SLC35E3: variants seen among roughly 807,000 people sequenced by gnomAD.
SLC35E3 encodes bladder cancer-overexpressed gene 1 protein.
Under a neutral mutation model 30.8 loss-of-function variants are expected in SLC35E3, and 28 were observed. That is an observed-to-expected ratio of 0.91 (90% confidence interval 0.67 to 1.25). The LOEUF (loss-of-function observed/expected upper bound fraction) is 1.25. Ranked by LOEUF, SLC35E3 falls within the 50% of genes most tolerant of loss-of-function variation. The probability of loss-of-function intolerance (pLI) is 0.00; values close to 1 mark genes in which losing one functional copy is unlikely to be tolerated. For synonymous variants in SLC35E3, 146 were observed against 149.2 expected (o/e 0.98, Z 0.16); for missense variants, 365 against 375.4 (o/e 0.97, Z 0.23).
intron 4 of SLC35E3, among the ~76,000 whole-genome samples, chr12:68,761,779 T>C (rs1292860764): frequency 6.6e-6 from 1 of 152,118 alleles, no homozygotes; most frequent in African/African-American, 2.4e-5. Flanking sequence ...CTGGAAATAT[T>C]TCTAAGAAGA....
intron 2 of SLC35E3, among the ~76,000 whole-genome samples, chr12:68,750,954 C>G (rs182266703): frequency 1.1e-4 from 17 of 152,278 alleles, no homozygotes; most frequent in Admixed American, 8.5e-4. Flanking sequence ...CTTGCCAGAT[C>G]TGATCCAAAC....
chr12:68,757,319 G>A (rs968006410), intron 3 of SLC35E3, among the ~76,000 whole-genome samples: 6 of 152,180 alleles, frequency 3.9e-5, no homozygotes, highest in African/African-American at 1.4e-4. Context: ...ACAAAGTAGA[G>A]TAATTGTGTT....
At position 68,768,653 on chromosome 12, in the gene SLC35E3, T is replaced by C. The variant is rs1301538367; in HGVS notation, c.*3763T>C. 6.6e-6 allele frequency: 1 copy of C among 152,208 alleles called. No individual in the cohort carries two copies. Among genetic ancestry groups the C allele is most frequent in the Non-Finnish European group, 1.5e-5 (1 of 68,028 alleles). 9.4% of individuals were successfully genotyped at this position (152,208 alleles called of 1,614,324 possible). On this transcript the variant is annotated 3_prime_UTR_variant, in exon 5 of 5. Transcript: ENST00000398004. ...TGACTGAATTTCAATTTTTACCTTT[T>C]AAAAATAAAGAGAACCTCTTTTTAC...
chr12:68,777,397 A>G lies in SLC35E3; in HGVS notation c.*12507A>G. The G allele has an allele frequency of 6.6e-6, 1 of 152,100 alleles. No homozygotes were observed. The highest frequency in any genetic ancestry group is 1.5e-5 in the Non-Finnish European group (1 of 67,998). 9.4% of individuals were successfully genotyped at this position (152,100 alleles called of 1,614,324 possible). ...TCCTCACAGGAATGTCACACCTGTG[A>G]CTCTCTCATACCTCCAAAATCTCAC... On this transcript the variant is annotated 3_prime_UTR_variant, in exon 5 of 5. Coordinates refer to ENST00000398004, the MANE Select transcript of SLC35E3 (RefSeq NM_018656.5).
intron 2 of SLC35E3, among the ~76,000 whole-genome samples, chr12:68,750,482 G>A (rs1878748284): frequency 6.6e-6 from 1 of 152,168 alleles, no homozygotes; most frequent in South Asian, 2.1e-4. Context: ...AAACTTGCAG[G>A]TTCTGCAAAG....
At position 68,768,878 on chromosome 12, in the gene SLC35E3, A is replaced by C. The variant is rs1377671867; in HGVS notation, c.*3988A>C. On this transcript the variant is annotated 3_prime_UTR_variant, in exon 5 of 5. Transcript: ENST00000398004. ...AATGAAGTAAGCATTCTTCTGTTTCACTTTTTAAAATACTTTTAAAATCTT... is the reference window on the plus strand; with the variant it reads ...AATGAAGTAAGCATTCTTCTGTTTCCCTTTTTAAAATACTTTTAAAATCTT... 6.6e-6 allele frequency: 1 copy of C among 152,250 alleles called. No individual in the cohort carries two copies. Among genetic ancestry groups the C allele is most frequent in the African/African-American group, 2.4e-5 (1 of 41,470 alleles). 9.4% of individuals were successfully genotyped at this position (152,250 alleles called of 1,614,324 possible). A position where few individuals can be genotyped will look rare whatever the true frequency, so the allele number is the denominator to read the frequency against.
At chr12:68,747,572 AT>A (rs1348620328) in intron 1 of SLC35E3, among the ~76,000 whole-genome samples, 1 of 152,104 alleles carries the variant, frequency 6.6e-6, no homozygotes, top group African/African-American at 2.4e-5. Flanking sequence ...CTGGCCTTAT[AT>A]TTAAGGTCTT....
rs1879339745 is a variant in SLC35E3, at chr12:68,764,938, AT to A, written c.*50del. 1 of 1,568,256 alleles carries A rather than the reference AT, an allele frequency of 6.4e-7. No individual in the cohort carries two copies. Among genetic ancestry groups the A allele is most frequent in the Non-Finnish European group, 8.7e-7 (1 of 1,150,566 alleles). On this transcript the variant is annotated 3_prime_UTR_variant, in exon 5 of 5. Transcript: ENST00000398004. Reference sequence around the variant, plus strand: ...ATGTTGTCCCAAGAAGATAAAAAATATTGTTAAGTGTGCAAGTTATTAAAAA... The same window carrying A: ...ATGTTGTCCCAAGAAGATAAAAAATATGTTAAGTGTGCAAGTTATTAAAAA...
At chr12:68,751,066 T>C (rs1878772483) in intron 2 of SLC35E3, among the ~76,000 whole-genome samples, 1 of 152,172 alleles carries the variant, frequency 6.6e-6, no homozygotes, top group African/African-American at 2.4e-5. Context: ...TTCTACTGAA[T>C]GGTATGGTAT....
In SLC35E3 at chr12:68,746,338, G is replaced by C. The variant is rs771532243; in HGVS notation, c.-40G>C. On this transcript the variant is annotated 5_prime_UTR_variant, in exon 1 of 5. Transcript: ENST00000398004. ...AAGGGCAGCCGGAGACAGGCCCGGC[G>C]CCCCTTCCGAGGCTAGACGGCCCCA... 3 of 1,527,502 alleles carry C rather than the reference G, an allele frequency of 2.0e-6. No homozygotes were observed. The East Asian group carries it at 6.8e-5, about 34-fold the overall frequency. 94.6% of individuals were successfully genotyped at this position (1,527,502 alleles called of 1,614,324 possible).
chr12:68,755,933 CTGAT>C (rs2136072219), intron 3 of SLC35E3, among the ~76,000 whole-genome samples: 1 of 152,200 alleles, frequency 6.6e-6, no homozygotes, highest in Non-Finnish European at 1.5e-5. Flanking sequence ...ATTATTTTTA[CTGAT>C]GAGGAAACCG....
In SLC35E3 at chr12:68,779,226, C is replaced by T. The variant is rs914096112; in HGVS notation, c.*14336C>T. Reference sequence around the variant, plus strand: ...CCTGAACTCCTTGGCTCAAGTAATCCTCCTGCCTCAGCCTCCTGAGTAACT... The same window carrying T: ...CCTGAACTCCTTGGCTCAAGTAATCTTCCTGCCTCAGCCTCCTGAGTAACT... On this transcript the variant is annotated 3_prime_UTR_variant, in exon 5 of 5. Coordinates refer to ENST00000398004, the MANE Select transcript of SLC35E3 (RefSeq NM_018656.5). 4.6e-5 allele frequency: 7 copies of T among 152,242 alleles called. No individual in the cohort carries two copies. The highest frequency in any genetic ancestry group is 1.7e-4 in the African/African-American group (7 of 41,442). 9.4% of individuals were successfully genotyped at this position (152,242 alleles called of 1,614,324 possible).
Position 68,774,276 on chromosome 12 carries a change from A to G in SLC35E3, c.*9386A>G, listed in dbSNP as rs1879678431. 6.6e-6 allele frequency: 1 copy of G among 152,064 alleles called. No homozygotes were observed. The highest frequency in any genetic ancestry group is 1.9e-4 in the East Asian group (1 of 5,184). 9.4% of individuals were successfully genotyped at this position (152,064 alleles called of 1,614,324 possible). ...ACATTGCAAAACCTGTTCTCTGTGA[A>G]TAACTTAAAAATTAGTCAGGTGGCC... On this transcript the variant is annotated 3_prime_UTR_variant, in exon 5 of 5. Coordinates refer to ENST00000398004, the MANE Select transcript of SLC35E3 (RefSeq NM_018656.5).
chr12:68,772,516 GTGAATTATTGCCAATTCAA>G lies in SLC35E3; in HGVS notation c.*7636_*7654del, dbSNP rs1396515303. The G allele has an allele frequency of 5.9e-5, 9 of 152,220 alleles. No individual in the cohort carries two copies. The highest frequency in any genetic ancestry group is 1.9e-4 in the African/African-American group (8 of 41,536). The allele number at this position is 152,220 out of a possible 1,614,324, so 9.4% of individuals were successfully genotyped here. A position where few individuals can be genotyped will look rare whatever the true frequency, so the allele number is the denominator to read the frequency against. On this transcript the variant is annotated 3_prime_UTR_variant, in exon 5 of 5. Coordinates refer to ENST00000398004, the MANE Select transcript of SLC35E3 (RefSeq NM_018656.5). Reference sequence around the variant, plus strand: ...ATACTTCATATGAAGTCATTAGGAGGTGAATTATTGCCAATTCAATGAATTATTTATGAGTATTAGGGGA... The same window carrying G: ...ATACTTCATATGAAGTCATTAGGAGGTGAATTATTTATGAGTATTAGGGGA...
rs897945936 is a variant in SLC35E3, at chr12:68,758,742, T to C, written c.673-415T>C. ...CAAATTCTCTTTCTTTTTTTTTTTT[T>C]TTTTTTTTTTTTTTTTTGAGATGGA... is the stretch of plus-strand genomic sequence containing the variant. On this transcript the variant is annotated intron_variant, in intron 3 of 4. Transcript: ENST00000398004. Among the ~76,000 whole-genome samples the C allele has an allele frequency of 4.5e-5, 5 of 111,890 alleles. No homozygotes were observed. The East Asian group carries it at 1.3e-3, about 29-fold the overall frequency. 73.4% of individuals were successfully genotyped at this position (111,890 alleles called of 152,430 possible). A position where few individuals can be genotyped will look rare whatever the true frequency, so the allele number is the denominator to read the frequency against.
rs1337383083 is a variant in SLC35E3, at chr12:68,765,637, TG to T, written c.*748del. On this transcript the variant is annotated 3_prime_UTR_variant, in exon 5 of 5. Transcript: ENST00000398004. The stretch of plus-strand genomic sequence containing the variant: ...GTGTGTGTGTATATATATATATATG[TG>T]TGTGTGTGTGTGTGTATACATATAT... 3.5e-5 allele frequency: 2 copies of T among 56,714 alleles called. No homozygotes were observed. The highest frequency in any genetic ancestry group is 1.2e-4 in the African/African-American group (2 of 16,184). 3.5% of individuals were successfully genotyped at this position (56,714 alleles called of 1,614,324 possible).
Position 68,746,262 on chromosome 12 carries a change from CCT to C in SLC35E3, c.-115_-114del. 9.9e-7 allele frequency: 1 copy of C among 1,012,710 alleles called. No individual in the cohort carries two copies. Among genetic ancestry groups the C allele is most frequent in the South Asian group, 1.6e-5 (1 of 61,442 alleles). The allele number at this position is 1,012,710 out of a possible 1,614,324, so 62.7% of individuals were successfully genotyped here. On this transcript the variant is annotated 5_prime_UTR_variant, in exon 1 of 5. The change creates a premature stop within an existing upstream ORF in the 5' untranslated region. Coordinates refer to ENST00000398004, the MANE Select transcript of SLC35E3 (RefSeq NM_018656.5). ...CCGGGGTTGATCTGTGCATGCCACT[CCT>C]GGGTCAGACGGTGAGGTCGGCGTCT...
chr12:68,749,600 A>C (rs1048156545), intron 2 of SLC35E3, among the ~76,000 whole-genome samples: 8 of 152,228 alleles, frequency 5.3e-5, no homozygotes, highest in African/African-American at 1.9e-4. Flanking sequence ...CCAAGGTAGG[A>C]GGAAAATTCT....
At chr12:68,753,406 T>C (rs1878879107) in intron 3 of SLC35E3, among the ~76,000 whole-genome samples, 1 of 151,618 alleles carries the variant, frequency 6.6e-6, no homozygotes, top group Admixed American at 6.6e-5. Context: ...TGAGCCAAGA[T>C]AGCACCACTG....
Sources: gnomAD v4.1 joint callset for allele counts (sites outside exome capture counted in the v4.1 genomes callset) on GRCh38, gnomAD v4.1.1 for gene constraint, MANE v1.5 for transcripts, NCBI Gene and HGNC (gene_info 2026-07-23, HGNC 2026-07-21) for gene names.